The following MECOM variants were observed in gnomAD, a reference collection of about 807,000 sequenced individuals.
MECOM encodes MDS1 and EVI1 complex locus.
Under a neutral mutation model 116.3 loss-of-function variants are expected in MECOM, and 13 were observed. The ratio of observed to expected loss-of-function variants is 0.11; its 90% confidence interval spans 0.07 to 0.18. MECOM has a LOEUF of 0.18. Ranked by LOEUF, MECOM falls within the 10% of genes least tolerant of loss-of-function variation. MECOM has a pLI of 1.00. For synonymous variants in MECOM, 528 were observed against 535.2 expected (o/e 0.99, Z 0.19); for missense variants, 1,299 against 1,509.0 (o/e 0.86, Z 2.31).
At chr3:169,106,574 T>C (rs1026213257) in intron 10 of MECOM, among the ~76,000 whole-genome samples, 1 of 152,272 alleles carries the variant, frequency 6.6e-6, no homozygotes, top group Non-Finnish European at 1.5e-5. Context: ...GGAATGGGAA[T>C]GTTTCAAAGC....
chr3:169,649,626 A>G (rs1331089600), intron 1 of MECOM, among the ~76,000 whole-genome samples: 1 of 152,138 alleles, frequency 6.6e-6, no homozygotes, highest in African/African-American at 2.4e-5. Flanking sequence ...CATGCCTTAC[A>G]TATGCTAGGT....
intron 2 of MECOM, among the ~76,000 whole-genome samples, chr3:169,340,948 A>G (rs1724402404): frequency 6.6e-6 from 1 of 152,234 alleles, no homozygotes; most frequent in Non-Finnish European, 1.5e-5. Context: ...ACATTAAAAA[A>G]TCTGTCAATT....
chr3:169,491,691 C>G (rs1336571142), intron 1 of MECOM, among the ~76,000 whole-genome samples: 1 of 152,138 alleles, frequency 6.6e-6, no homozygotes, highest in Non-Finnish European at 1.5e-5. Flanking sequence ...ACCAGAGCCA[C>G]GTACCAACAA....
chr3:169,115,077 C>A (rs992442252), intron 8 of MECOM, among the ~76,000 whole-genome samples: 1 of 152,114 alleles, frequency 6.6e-6, no homozygotes, highest in African/African-American at 2.4e-5. Flanking sequence ...CGCCACTTGA[C>A]AATTTACTTT....
At chr3:169,237,214 G>T (rs2149537121) in intron 2 of MECOM, among the ~76,000 whole-genome samples, 1 of 152,206 alleles carries the variant, frequency 6.6e-6, no homozygotes. Flanking sequence ...AAAAGACTCA[G>T]CATTAGCTTC....
At chr3:169,367,021 G>A (rs956244585) in intron 2 of MECOM, among the ~76,000 whole-genome samples, 1 of 152,092 alleles carries the variant, frequency 6.6e-6, no homozygotes, top group Non-Finnish European at 1.5e-5. Context: ...GTGCCCCCAG[G>A]AAGAAGGAGT....
chr3:169,211,060 T>C (rs909298419), intron 2 of MECOM, among the ~76,000 whole-genome samples: 1 of 152,182 alleles, frequency 6.6e-6, no homozygotes, highest in African/African-American at 2.4e-5. Context: ...GATTTTATGA[T>C]TAATGGTATG....
intron 1 of MECOM, among the ~76,000 whole-genome samples, chr3:169,460,288 A>G (rs537730569): frequency 2.0e-4 from 31 of 152,200 alleles, no homozygotes; most frequent in Non-Finnish European, 4.3e-4. Context: ...TCTTCATCCT[A>G]TAGAACTCTA....
chr3:169,096,173 G>C (rs1290614700), intron 12 of MECOM, among the ~76,000 whole-genome samples: 1 of 151,542 alleles, frequency 6.6e-6, no homozygotes, highest in East Asian at 1.9e-4. Context: ...ATTGTCCTCT[G>C]TCATTTTAAG....
chr3:169,368,271 T>C (rs1729517614), intron 2 of MECOM, among the ~76,000 whole-genome samples: 1 of 152,068 alleles, frequency 6.6e-6, no homozygotes, highest in Non-Finnish European at 1.5e-5. Context: ...AAAGTGAGCA[T>C]AGTATTTATC....
intron 1 of MECOM, among the ~76,000 whole-genome samples, chr3:169,564,279 C>T (rs929178353): frequency 4.6e-5 from 7 of 152,088 alleles, no homozygotes; most frequent in Non-Finnish European, 8.8e-5. Context: ...CCAAGACTCA[C>T]CATCTGAGAG....
intron 2 of MECOM, among the ~76,000 whole-genome samples, chr3:169,330,609 C>T (rs569249977): frequency 4.6e-5 from 7 of 152,150 alleles, no homozygotes; most frequent in Admixed American, 4.6e-4. Flanking sequence ...ACATCCGATT[C>T]TGTGGAAATT....
At chr3:169,149,816 T>C in intron 2 of MECOM, 1 of 377,350 alleles carries the variant, frequency 2.7e-6, no homozygotes, top group South Asian at 2.0e-5. Context: ...ATCATTATCG[T>C]CATCATCAGT....
At chr3:169,549,976 A>G (rs1331232387) in intron 1 of MECOM, among the ~76,000 whole-genome samples, 2 of 152,172 alleles carry the variant, frequency 1.3e-5, no homozygotes, top group Non-Finnish European at 1.5e-5. Flanking sequence ...TTCTGGCGCA[A>G]CCTCTATCAG....
intron 5 of MECOM, 119 bp downstream of exon 5, chr3:169,127,725 G>A (rs1277063632): frequency 9.5e-6 from 7 of 737,612 alleles, no homozygotes; most frequent in South Asian, 1.6e-5. Context: ...AACATGTCAC[G>A]AGTGCATTTG....
At chr3:169,356,020 C>T (rs1488902447) in intron 2 of MECOM, among the ~76,000 whole-genome samples, 1 of 151,844 alleles carries the variant, frequency 6.6e-6, no homozygotes. Flanking sequence ...TCAAAATTCA[C>T]AGTTTCATTT....
At chr3:169,133,111 A>T (rs1735291092) in intron 3 of MECOM, among the ~76,000 whole-genome samples, 1 of 80,962 alleles carries the variant, frequency 1.2e-5, no homozygotes. Context: ...CAAAACACAT[A>T]CACACACACA....
chr3:169,103,786 TA>T (rs1724401601), intron 10 of MECOM, among the ~76,000 whole-genome samples: 1 of 152,164 alleles, frequency 6.6e-6, no homozygotes, highest in Admixed American at 6.5e-5. Flanking sequence ...AGCAAAGTCT[TA>T]ACAGCATGGC....
At chr3:169,636,056 G>T (rs1248706332) in intron 1 of MECOM, among the ~76,000 whole-genome samples, 2 of 152,136 alleles carry the variant, frequency 1.3e-5, no homozygotes, top group African/African-American at 4.8e-5. Flanking sequence ...ATATACCCCG[G>T]TGAAGTCATC....
Sources: allele counts gnomAD v4.1 joint callset (sites outside exome capture counted in the v4.1 genomes callset), GRCh38; gene constraint gnomAD v4.1.1; transcripts MANE v1.5; gene names NCBI Gene and HGNC (gene_info 2026-07-23, HGNC 2026-07-21).